PCNT: variants seen among roughly 807,000 people sequenced by gnomAD.
PCNT encodes pericentrin.
PCNT carries 319 observed loss-of-function variants against 380.4 expected under a neutral mutation model. The observed-to-expected ratio is 0.84, with a 90% CI of 0.77 to 0.92. PCNT has a LOEUF of 0.92. PCNT is among the 40% of genes least tolerant of loss of function. The probability of loss-of-function intolerance (pLI) is 0.00; values close to 1 mark genes in which losing one functional copy is unlikely to be tolerated. For missense variants in PCNT, 4,400 were observed against 4,255.3 expected (o/e 1.03, Z -0.95); for synonymous variants, 1,845 against 1,735.2 (o/e 1.06, Z -1.57).
intron 2 of PCNT, among the ~76,000 whole-genome samples, chr21:46,329,468 A>T (rs1398593364): frequency 6.6e-6 from 1 of 152,244 alleles, no homozygotes; most frequent in Admixed American, 6.5e-5. Flanking sequence ...TAGGTTACTT[A>T]TATAACATTT....
Position 46,390,743 on chromosome 21 carries a change from T to C in PCNT, c.3914T>C (p.Val1305Ala). 1 of 1,613,606 alleles carries C rather than the reference T, an allele frequency of 6.2e-7. No individual in the cohort carries two copies. Among genetic ancestry groups the C allele is most frequent in the Non-Finnish European group, 8.5e-7 (1 of 1,179,914 alleles). Reference protein sequence around the residue: ...FSFKNEETAQVVRKHQELLEC... With the variant: ...FSFKNEETAQAVRKHQELLEC... ...TTTAAGAATGAGGAGACAGCACAGG[T>C]TGTCAGGAAGCACCAGGAGCTGCTG... Residue 1305 changes from valine to alanine, a missense_variant, in exon 20 of 47, where the codon GTT (valine) becomes GCT (alanine). By Grantham distance (64) the Val-to-Ala change is moderately conservative. Coordinates refer to ENST00000359568, the MANE Select transcript of PCNT (RefSeq NM_006031.6).
In PCNT at chr21:46,411,953, G is replaced by A. The variant is rs2086801882; in HGVS notation, c.5880G>A (p.Arg1960=). The change falls in exon 28 of 47, where the codon CGG becomes CGA. Residue 1960 remains arginine (R), a synonymous_variant. Transcript: ENST00000359568. ...RQARRATAHT[R]VPGAHPQPRM... ...CCCGCAGAGCCACAGCTCACACACGGGTGCCCGGGGCCCACCCACAGCCTC... is the reference window on the plus strand; with the variant it reads ...CCCGCAGAGCCACAGCTCACACACGAGTGCCCGGGGCCCACCCACAGCCTC... The A allele has an allele frequency of 1.3e-6, 2 of 1,597,838 alleles. No individual in the cohort carries two copies. Among genetic ancestry groups the A allele is most frequent in the Admixed American group, 1.7e-5 (1 of 59,776 alleles).
chr21:46,375,399 C>T (rs1244287323), intron 15 of PCNT, among the ~76,000 whole-genome samples: 6 of 152,208 alleles, frequency 3.9e-5, no homozygotes, highest in Non-Finnish European at 8.8e-5. Flanking sequence ...TTGGTATTCT[C>T]TGTGCATGCC....
In PCNT at chr21:46,347,473, G is replaced by T; in HGVS notation, c.993G>T (p.Lys331Asn). The change falls in exon 6 of 47, where the codon AAG becomes AAT. Residue 331 changes from lysine (K) to asparagine (N), a missense_variant. Transcript: ENST00000359568. Reference protein sequence around the residue: ...CGQEAAELKEKLQSEMEKNAQ... With the variant: ...CGQEAAELKENLQSEMEKNAQ... Reference sequence around the variant, plus strand: ...TTCTTGCAGCTGAGCTGAAGGAGAAGTTACAATCAGAAATGGAGAAAAACG... The same window carrying T: ...TTCTTGCAGCTGAGCTGAAGGAGAATTTACAATCAGAAATGGAGAAAAACG... 6.2e-7 allele frequency: 1 copy of T among 1,608,548 alleles called. No individual in the cohort carries two copies. Among genetic ancestry groups the T allele is most frequent in the South Asian group, 1.1e-5 (1 of 90,978 alleles).
At chr21:46,370,214 G>A (rs1424420654) in intron 15 of PCNT, among the ~76,000 whole-genome samples, 1 of 151,298 alleles carries the variant, frequency 6.6e-6, no homozygotes, top group Non-Finnish European at 1.5e-5. Flanking sequence ...CAGCTGCAGG[G>A]GTGGGCATCC....
intron 20 of PCNT, 139 bp from the exon 21 acceptor site, chr21:46,391,025 C>G (rs1314898495): frequency 3.7e-6 from 4 of 1,076,562 alleles, no homozygotes; most frequent in Non-Finnish European, 5.6e-6. Flanking sequence ...CTGTTGGAGG[C>G]CTACACCTGG....
At position 46,357,136 on chromosome 21, in the gene PCNT, G is replaced by C. The variant is rs1186893476; in HGVS notation, c.2099G>C (p.Arg700Thr). The C allele has an allele frequency of 6.2e-7, 1 of 1,614,138 alleles. No homozygotes were observed. The highest frequency in any genetic ancestry group is 1.3e-5 in the African/African-American group (1 of 75,066). The change falls in exon 13 of 47, where the codon AGA becomes ACA. Residue 700 changes from arginine to threonine, a missense_variant. Physicochemically the swap from Arg to Thr is moderately conservative, Grantham distance 71. Coordinates refer to ENST00000359568, the MANE Select transcript of PCNT (RefSeq NM_006031.6). ...ATTGAACTCCTAAAAATAGAAAATA[G>C]AAATTTGTATGGGAAGTTGCAGCAT... ...EEIELLKIEN[R>T]NLYGKLQHET...
In PCNT at chr21:46,428,555, G is replaced by A. The variant is rs199589423; in HGVS notation, c.7655G>A (p.Arg2552His). The A allele has an allele frequency of 1.3e-4, 212 of 1,605,800 alleles. No individual in the cohort carries two copies. In the African/African-American group the frequency reaches 1.7e-3, roughly 13 times the overall value. The change falls in exon 35 of 47, where the codon CGC becomes CAC. Residue 2552 changes from arginine (R) to histidine (H), a missense_variant. Coordinates refer to ENST00000359568, the MANE Select transcript of PCNT (RefSeq NM_006031.6). ...LRTALTSAEA[R>H]GSQQEHQLRR... ...ACGGCGCTGACAAGCGCAGAGGCGC[G>A]CGGGAGCCAGCAGGAGCACCAGCTG...
chr21:46,417,556 C>T (rs753305177), intron 30 of PCNT, among the ~76,000 whole-genome samples: 9 of 152,064 alleles, frequency 5.9e-5, no homozygotes, highest in East Asian at 5.8e-4. Context: ...TGAGTTAGAT[C>T]GTATTATTTC....
intron 38 of PCNT, among the ~76,000 whole-genome samples, chr21:46,433,083 T>G (rs992723269): frequency 6.6e-6 from 1 of 152,194 alleles, no homozygotes; most frequent in African/African-American, 2.4e-5. Context: ...CAATGTTGAA[T>G]AGAAGGGATG....
At chr21:46,352,683 A>T (rs1378034478) in intron 9 of PCNT, among the ~76,000 whole-genome samples, 1 of 152,230 alleles carries the variant, frequency 6.6e-6, no homozygotes, top group African/African-American at 2.4e-5. Context: ...GCTTACAGAA[A>T]GTCCAAGATG....
chr21:46,411,651 G>A lies in PCNT; in HGVS notation c.5578G>A (p.Glu1860Lys), dbSNP rs369195346. The change falls in exon 28 of 47, where the codon GAA becomes AAA. Residue 1860 changes from glutamate (E) to lysine (K), a missense_variant. Physicochemically the swap from Glu to Lys is moderately conservative, Grantham distance 56 (BLOSUM62 1). Coordinates refer to ENST00000359568, the MANE Select transcript of PCNT (RefSeq NM_006031.6). ...EDMASRIQEF[E>K]AALKAKEATI... is the part of the protein sequence containing the mutation. ...CATGGCCTCCCGGATCCAGGAGTTC[G>A]AAGCGGCCCTGAAAGCAAAGGAAGC... is the stretch of plus-strand genomic sequence containing the variant. 2.5e-5 allele frequency: 40 copies of A among 1,612,948 alleles called. No homozygotes were observed. Among genetic ancestry groups the A allele is most frequent in the Admixed American group, 6.7e-5 (4 of 60,014 alleles).
chr21:46,349,179 G>C lies in PCNT; in HGVS notation c.1200G>C (p.Gln400His). The C allele has an allele frequency of 6.2e-7, 1 of 1,613,442 alleles. No homozygotes were observed. The highest frequency in any genetic ancestry group is 1.1e-5 in the South Asian group (1 of 91,032). The stretch of plus-strand genomic sequence containing the variant: ...AGAAGATTTTTCAAGACAAAAACCA[G>C]GCTGAACGTAAGTAATGAAAATGAG... ...ELEKIFQDKN[Q>H]AERALRNLES... The change falls in exon 7 of 47, where the codon CAG (glutamine) becomes CAC (histidine). Residue 400 changes from glutamine to histidine, a missense_variant. Transcript: ENST00000359568.
intron 15 of PCNT, among the ~76,000 whole-genome samples, chr21:46,367,911 G>A (rs563027245): frequency 6.6e-6 from 1 of 152,206 alleles, no homozygotes; most frequent in Non-Finnish European, 1.5e-5. Flanking sequence ...AATGGCTCAC[G>A]TCTGTAATCA....
intron 2 of PCNT, among the ~76,000 whole-genome samples, chr21:46,331,176 G>A (rs1206484882): frequency 6.6e-6 from 1 of 150,798 alleles, no homozygotes; most frequent in African/African-American, 2.4e-5. Context: ...TCTTTTTTTT[G>A]GAGACAGGTC....
chr21:46,390,432 G>A (rs2085992521), intron 19 of PCNT, among the ~76,000 whole-genome samples: 1 of 152,214 alleles, frequency 6.6e-6, no homozygotes, highest in Non-Finnish European at 1.5e-5. Context: ...GTGTCTGGAG[G>A]AAGGGAGAGG....
chr21:46,343,404 T>A, intron 3 of PCNT, among the ~76,000 whole-genome samples: 1 of 152,214 alleles, frequency 6.6e-6, no homozygotes, highest in East Asian at 1.9e-4. Context: ...ATGATTTTTC[T>A]TTTTAATGCT....
Position 46,374,849 on chromosome 21 carries a change from CAAAAAAAAAAA to C in PCNT, c.3166-6833_3166-6823del, listed in dbSNP as rs760273140. ...GGGCAACAAGAGCAAAACTTCGTCT[CAAAAAAAAAAA>C]AAAAAAAAAAAGTTACACAGAGCCC... is the stretch of plus-strand genomic sequence containing the variant. On this transcript the variant is annotated intron_variant, in intron 15 of 46. Transcript: ENST00000359568. 1.3e-3 allele frequency among the ~76,000 whole-genome samples: 107 copies of C among 85,552 alleles called. 1 individual carries two copies. Among genetic ancestry groups the C allele is most frequent in the African/African-American group, 4.6e-3 (98 of 21,120 alleles). 56.1% of individuals were successfully genotyped at this position (85,552 alleles called of 152,430 possible).
At position 46,391,184 on chromosome 21, in the gene PCNT, G is replaced by T; in HGVS notation, c.4024G>T (p.Val1342Leu). 1.2e-6 allele frequency: 2 copies of T among 1,605,170 alleles called. No homozygotes were observed. The highest frequency in any genetic ancestry group is 1.7e-6 in the Non-Finnish European group (2 of 1,176,140). Residue 1342 changes from valine (V) to leucine (L), a missense_variant, in exon 21 of 47, where the codon GTG becomes TTG. Physicochemically the swap from Val to Leu is conservative, Grantham distance 32. Transcript: ENST00000359568. ...CAAAGGTACCCTTGAGGGATTCAAG[G>T]TGGAGACAGCAGATCTGAAGGAGGT... ...KTQGTLEGFK[V>L]ETADLKEVLA...
Sources: allele counts gnomAD v4.1 joint callset (sites outside exome capture counted in the v4.1 genomes callset), GRCh38; gene constraint gnomAD v4.1.1; transcripts MANE v1.5; gene names NCBI Gene and HGNC (gene_info 2026-07-23, HGNC 2026-07-21).